CENPL: variants seen among roughly 807,000 people sequenced by gnomAD.
CENPL encodes interphase centromere complex protein 33.
A neutral mutation model predicts 35.2 loss-of-function variants in CENPL; 20 were observed. The ratio of observed to expected loss-of-function variants is 0.57; its 90% confidence interval spans 0.40 to 0.83. CENPL has a LOEUF of 0.83. CENPL is among the 40% of genes least tolerant of loss of function. The pLI is 0.00. For synonymous variants in CENPL, 140 were observed against 140.6 expected, an observed-to-expected ratio of 1.00 and a Z score of 0.03; for missense variants, 363 against 395.8, an observed-to-expected ratio of 0.92 and a Z score of 0.70.
chr1:173,812,059 C>T (rs1650884120), intron 2 of CENPL, among the ~76,000 whole-genome samples: 3 of 152,266 alleles, frequency 2.0e-5, no homozygotes, highest in Admixed American at 1.3e-4. Flanking sequence ...GAGCCTTGCT[C>T]ACTGCTAGCC....
At chr1:173,819,752 C>A (rs1018306159) in intron 2 of CENPL, among the ~76,000 whole-genome samples, 1 of 152,032 alleles carries the variant, frequency 6.6e-6, no homozygotes, top group African/African-American at 2.4e-5. Context: ...AGTGCAATGG[C>A]GCGATCTCGG....
At position 173,824,234 on chromosome 1, in the gene CENPL, T is replaced by G. The variant is rs1214649652; in HGVS notation, c.-124A>C. 2.0e-5 allele frequency: 3 copies of G among 152,296 alleles called. No homozygotes were observed. Among genetic ancestry groups the G allele is most frequent in the African/African-American group, 7.2e-5 (3 of 41,466 alleles). The allele number at this position is 152,296 out of a possible 1,614,324, so 9.4% of individuals were successfully genotyped here. On this transcript the variant is annotated 5_prime_UTR_variant, in exon 1 of 6. Transcript: ENST00000682279. ...CACCCAGCTCTGCGACCCTCGCTCC[T>G]GCGGAGTCAGCTTCTGCTCGCGGAG...
chr1:173,813,020 T>C (rs945671294), intron 2 of CENPL, among the ~76,000 whole-genome samples: 4 of 152,132 alleles, frequency 2.6e-5, no homozygotes, highest in African/African-American at 7.2e-5. Context: ...AAGAACTTCA[T>C]GATGCATGCA....
At chr1:173,805,723 A>G (rs562449456) in intron 4 of CENPL, among the ~76,000 whole-genome samples, 1 of 152,256 alleles carries the variant, frequency 6.6e-6, no homozygotes, top group East Asian at 1.9e-4. Context: ...GAGACATCTT[A>G]TGTTAGACAA....
chr1:173,808,061 T>A (rs1252214962), intron 3 of CENPL, among the ~76,000 whole-genome samples: 1 of 152,158 alleles, frequency 6.6e-6, no homozygotes, highest in Non-Finnish European at 1.5e-5. Context: ...AAACTATAGA[T>A]TTCAAAAGTA....
intron 5 of CENPL, among the ~76,000 whole-genome samples, chr1:173,801,381 G>C (rs1649734119): frequency 6.6e-6 from 1 of 151,706 alleles, no homozygotes. Flanking sequence ...CAAGTATGGT[G>C]GTGGAGCCTG....
At chr1:173,805,195 T>G (rs1237452495) in intron 4 of CENPL, among the ~76,000 whole-genome samples, 1 of 152,174 alleles carries the variant, frequency 6.6e-6, no homozygotes, top group Non-Finnish European at 1.5e-5. Flanking sequence ...AATTGTCTCT[T>G]GAGTATCCAT....
intron 2 of CENPL, among the ~76,000 whole-genome samples, chr1:173,813,588 G>T (rs1651055810): frequency 6.6e-6 from 1 of 152,160 alleles, no homozygotes; most frequent in African/African-American, 2.4e-5. Context: ...CTTCATAAGT[G>T]AAGGAGAAAT....
intron 2 of CENPL, among the ~76,000 whole-genome samples, chr1:173,813,624 C>T (rs1037060217): frequency 6.6e-6 from 1 of 152,164 alleles, no homozygotes; most frequent in African/African-American, 2.4e-5. Flanking sequence ...CAAGCAAATG[C>T]TAAGAGATTT....
intron 2 of CENPL, among the ~76,000 whole-genome samples, chr1:173,820,250 G>T (rs1481731628): frequency 6.6e-6 from 1 of 151,840 alleles, no homozygotes; most frequent in East Asian, 1.9e-4. Context: ...GATTTAACCT[G>T]TAACTTCTAT....
intron 2 of CENPL, among the ~76,000 whole-genome samples, chr1:173,819,071 C>CA (rs780771636): frequency 6.6e-6 from 1 of 151,646 alleles, no homozygotes; most frequent in Non-Finnish European, 1.5e-5. Context: ...TCCATCTCTA[C>CA]AAAAAATAAA....
chr1:173,809,488 AG>A (rs1387498137), intron 3 of CENPL, among the ~76,000 whole-genome samples: 1 of 151,972 alleles, frequency 6.6e-6, no homozygotes, highest in Non-Finnish European at 1.5e-5. Context: ...GCTACTCAGG[AG>A]GCTGAGGCAG....
chr1:173,814,844 TGAAGGA>T (rs1651197287), intron 2 of CENPL, among the ~76,000 whole-genome samples: 1 of 151,582 alleles, frequency 6.6e-6, no homozygotes, highest in Non-Finnish European at 1.5e-5. Context: ...AGAGCAAAAC[TGAAGGA>T]GATAGAAACA....
intron 2 of CENPL, among the ~76,000 whole-genome samples, chr1:173,813,135 A>G (rs1013944399): frequency 1.3e-5 from 2 of 152,232 alleles, no homozygotes; most frequent in Admixed American, 6.5e-5. Flanking sequence ...AAAAAGAGTA[A>G]AAAGAAACGA....
chr1:173,803,543 T>C, intron 4 of CENPL, 38 bp from the exon 5 acceptor site: 1 of 1,492,496 alleles, frequency 6.7e-7, no homozygotes, highest in Non-Finnish European at 9.0e-7. Flanking sequence ...AATTCAAAAG[T>C]ACATTTACTT....
chr1:173,805,851 T>TTA (rs1553198588), intron 4 of CENPL, among the ~76,000 whole-genome samples: 2 of 151,858 alleles, frequency 1.3e-5, no homozygotes, highest in Admixed American at 6.6e-5. Flanking sequence ...ACTTTTTTTT[T>TTA]AAAAAAAGAC....
chr1:173,822,684 C>G (rs1004839909), intron 2 of CENPL: 2 of 152,188 alleles, frequency 1.3e-5, no homozygotes, highest in African/African-American at 4.8e-5. Flanking sequence ...ACTCTTCCTT[C>G]AACATCACCT....
intron 1 of CENPL, 58 bp downstream of exon 1, chr1:173,824,154 T>A (rs201553829): frequency 6.6e-6 from 1 of 152,058 alleles, no homozygotes; most frequent in Non-Finnish European, 1.5e-5. Flanking sequence ...AGACCTCCGC[T>A]CCCTCAGACG....
In CENPL at chr1:173,805,476, C is replaced by CT. The variant is rs577865182; in HGVS notation, c.420+1790dup. Among the ~76,000 whole-genome samples, 24 of 149,962 alleles carry CT rather than the reference C, an allele frequency of 1.6e-4. No homozygotes were observed. The South Asian group carries it at 5.0e-3, about 31-fold the overall frequency. On this transcript the variant is annotated intron_variant, in intron 4 of 5. Transcript: ENST00000682279. Reference sequence around the variant, plus strand: ...GTTGCAGTGAGCCAAGACAGTACCACTGCACTCCAACCTGGTGACAGAGAA... The same window carrying CT: ...GTTGCAGTGAGCCAAGACAGTACCACTTGCACTCCAACCTGGTGACAGAGAA...
Sources: allele counts gnomAD v4.1 joint callset (sites outside exome capture counted in the v4.1 genomes callset), GRCh38; gene constraint gnomAD v4.1.1; transcripts MANE v1.5; gene names NCBI Gene and HGNC (gene_info 2026-07-23, HGNC 2026-07-21).